Variants in UNC13C observed in about 807,000 individuals in gnomAD.
UNC13C encodes the protein unc-13 homolog C, also known as protein unc-13 homolog C.
A neutral mutation model predicts 245.4 loss-of-function variants in UNC13C; 174 were observed. That is an observed-to-expected ratio of 0.71 (90% CI 0.63 to 0.80). The LOEUF (loss-of-function observed/expected upper bound fraction) is 0.80. Among genes scored for constraint, UNC13C ranks in the 30% least tolerant of loss-of-function variants. The pLI is 0.00. For missense variants in UNC13C, 2,829 were observed against 2,602.9 expected, an observed-to-expected ratio of 1.09 and a Z score of -1.89; for synonymous variants, 992 against 895.1, an observed-to-expected ratio of 1.11 and a Z score of -1.93.
the UNC13C span, among the ~76,000 whole-genome samples, chr15:53,949,498 A>G: frequency 6.6e-6 from 1 of 152,236 alleles, no homozygotes; most frequent in African/African-American, 2.4e-5. Context: ...AGATTTGACT[A>G]TGATCTTGAG....
At position 54,511,742 on chromosome 15, in the gene UNC13C, T is replaced by C. The variant is rs1894753695; in HGVS notation, c.5380-11T>C. ...GATTGCTCATAATAGTCTTTTTTTCTATATTTAAAGCCCTGTATCTTGATG... is the reference window on the plus strand; with the variant it reads ...GATTGCTCATAATAGTCTTTTTTTCCATATTTAAAGCCCTGTATCTTGATG... On this transcript the variant is annotated splice_polypyrimidine_tract_variant and intron_variant, in intron 23 of 32. Coordinates refer to ENST00000260323, the MANE Select transcript of UNC13C (RefSeq NM_001080534.3). 3.8e-6 allele frequency: 6 copies of C among 1,581,432 alleles called. No individual in the cohort carries two copies. The East Asian group carries it at 1.4e-4, about 36-fold the overall frequency.
intron 18 of UNC13C, among the ~76,000 whole-genome samples, chr15:54,401,425 C>T (rs973475265): frequency 4.6e-5 from 7 of 152,248 alleles, no homozygotes; most frequent in Admixed American, 3.9e-4. Flanking sequence ...CTTGTTGACG[C>T]AGCCTTATGA....
At chr15:53,934,626 G>A in the UNC13C span, among the ~76,000 whole-genome samples, 42 of 152,278 alleles carry the variant, frequency 2.8e-4, no homozygotes, top group Admixed American at 1.4e-3. Context: ...GAAGGTATAT[G>A]TCTTATTCTG....
intron 2 of UNC13C, among the ~76,000 whole-genome samples, chr15:54,016,357 C>G (rs983042670): frequency 4.6e-5 from 7 of 152,178 alleles, no homozygotes; most frequent in African/African-American, 1.4e-4. Context: ...ATTTTCCTAT[C>G]CATTCAACAA....
chr15:53,854,598 T>C, the UNC13C span, among the ~76,000 whole-genome samples: 1 of 152,194 alleles, frequency 6.6e-6, no homozygotes, highest in Non-Finnish European at 1.5e-5. Flanking sequence ...AAAGGTCAGA[T>C]AGTTGTAGGT....
intron 4 of UNC13C, among the ~76,000 whole-genome samples, chr15:54,201,411 G>T (rs112101171): frequency 8.6e-5 from 13 of 151,646 alleles, no homozygotes; most frequent in African/African-American, 3.1e-4. Context: ...TGCAAAAATC[G>T]TCAACAAAAT....
chr15:54,365,092 C>G, intron 17 of UNC13C, among the ~76,000 whole-genome samples: 1 of 152,012 alleles, frequency 6.6e-6, no homozygotes, highest in Non-Finnish European at 1.5e-5. Flanking sequence ...AAAGAACTCC[C>G]CGTCAGATCT....
chr15:54,612,144 G>C (rs912305139), intron 30 of UNC13C, among the ~76,000 whole-genome samples: 7 of 151,982 alleles, frequency 4.6e-5, no homozygotes, highest in African/African-American at 1.2e-4. Context: ...TAATACCCAA[G>C]TTGCTTTCCA....
chr15:54,457,449 T>C (rs1891592798), intron 19 of UNC13C, among the ~76,000 whole-genome samples: 1 of 152,140 alleles, frequency 6.6e-6, no homozygotes, highest in South Asian at 2.1e-4. Flanking sequence ...TTGAGTGGGA[T>C]TGGTACCCAT....
chr15:54,349,563 G>A (rs1347352456), intron 17 of UNC13C, among the ~76,000 whole-genome samples: 1 of 151,982 alleles, frequency 6.6e-6, no homozygotes, highest in East Asian at 1.9e-4. Flanking sequence ...AAATATTAAA[G>A]AACATGACTT....
chr15:54,160,097 C>G (rs1405355762), intron 4 of UNC13C, among the ~76,000 whole-genome samples: 2 of 151,918 alleles, frequency 1.3e-5, no homozygotes, highest in Non-Finnish European at 2.9e-5. Context: ...AATTGGAAGA[C>G]TTTTGGAATA....
At chr15:54,439,188 T>C (rs1890382865) in intron 19 of UNC13C, among the ~76,000 whole-genome samples, 1 of 151,996 alleles carries the variant, frequency 6.6e-6, no homozygotes, top group Non-Finnish European at 1.5e-5. Flanking sequence ...TAGTTTGAAA[T>C]ACAAAACACT....
intron 30 of UNC13C, among the ~76,000 whole-genome samples, chr15:54,620,341 C>T (rs567843730): frequency 2.2e-4 from 34 of 152,228 alleles, no homozygotes; most frequent in East Asian, 1.2e-3. Flanking sequence ...ACATTGTATA[C>T]GTTTAGAGTC....
the UNC13C span, among the ~76,000 whole-genome samples, chr15:53,868,451 G>T: frequency 6.6e-6 from 1 of 152,172 alleles, no homozygotes; most frequent in Admixed American, 6.5e-5. Context: ...GCTGGATGTG[G>T]AGGTGAATGC....
At chr15:54,237,559 A>G in intron 6 of UNC13C, 60 bp from the exon 7 acceptor site, 1 of 1,256,490 alleles carries the variant, frequency 8.0e-7, no homozygotes, top group Non-Finnish European at 1.2e-6. Context: ...CCTTCTGCTG[A>G]GCAGTATATG....
At chr15:54,350,003 T>TG (rs1329629688) in intron 17 of UNC13C, among the ~76,000 whole-genome samples, 1 of 152,204 alleles carries the variant, frequency 6.6e-6, no homozygotes, top group African/African-American at 2.4e-5. Flanking sequence ...CTTTTTTTTT[T>TG]TTGAGACGGA....
intron 2 of UNC13C, among the ~76,000 whole-genome samples, chr15:54,086,190 T>A (rs1000725662): frequency 6.6e-6 from 1 of 152,220 alleles, no homozygotes; most frequent in African/African-American, 2.4e-5. Context: ...TGTAACAGTG[T>A]GTCTGTTAAC....
At chr15:54,170,993 A>C (rs1267310505) in intron 4 of UNC13C, among the ~76,000 whole-genome samples, 1 of 152,174 alleles carries the variant, frequency 6.6e-6, no homozygotes, top group Admixed American at 6.6e-5. Context: ...CAAAAATCAC[A>C]AGGATGGGCA....
intron 1 of UNC13C, among the ~76,000 whole-genome samples, chr15:53,996,651 G>A (rs749560669): frequency 1.3e-5 from 2 of 152,014 alleles, no homozygotes; most frequent in Non-Finnish European, 2.9e-5. Context: ...ATAGCCAACC[G>A]TGTTTCAGAT....
Sources: gnomAD v4.1 joint callset for allele counts (sites outside exome capture counted in the v4.1 genomes callset) on GRCh38, gnomAD v4.1.1 for gene constraint, MANE v1.5 for transcripts, NCBI Gene and HGNC (gene_info 2026-07-23, HGNC 2026-07-21) for gene names.